Variants in NTF3 observed in about 807,000 individuals in gnomAD.
The protein encoded by NTF3 is neurotrophin 3.
NTF3 carries 8 observed loss-of-function variants against 26.3 expected under a neutral mutation model. That is an observed-to-expected ratio of 0.30 (90% CI 0.18 to 0.55). The LOEUF (loss-of-function observed/expected upper bound fraction) is 0.55, where lower values mean the gene tolerates loss of function less well. Ranked by LOEUF, NTF3 falls within the 20% of genes least tolerant of loss-of-function variation. The pLI is 0.93. For missense variants in NTF3, 276 were observed against 352.9 expected, an observed-to-expected ratio of 0.78 and a Z score of 1.75; for synonymous variants, 154 against 145.5, an observed-to-expected ratio of 1.06 and a Z score of -0.42.
chr12:5,452,456 A>G (rs1341993775), intron 1 of NTF3, among the ~76,000 whole-genome samples: 4 of 152,214 alleles, frequency 2.6e-5, no homozygotes, highest in Non-Finnish European at 5.9e-5. Flanking sequence ...ATTCCATCAC[A>G]TACCACTCTT....
chr12:5,484,647 G>T (rs1940845968), intron 1 of NTF3, among the ~76,000 whole-genome samples: 1 of 152,184 alleles, frequency 6.6e-6, no homozygotes, highest in East Asian at 1.9e-4. Flanking sequence ...ATTCATAACT[G>T]AGGGGTCTCC....
intron 1 of NTF3, among the ~76,000 whole-genome samples, chr12:5,486,494 AT>A (rs1940866854): frequency 6.6e-6 from 1 of 152,226 alleles, no homozygotes; most frequent in South Asian, 2.1e-4. Flanking sequence ...TTGAAAATCA[AT>A]TACTCAGCAG....
chr12:5,432,608 G>C (rs3138560), intron 1 of NTF3, among the ~76,000 whole-genome samples: 54 of 104,418 alleles, frequency 5.2e-4, no homozygotes, highest in African/African-American at 1.7e-3. Context: ...CACACACACA[G>C]ACACGGACAC....
At chr12:5,472,268 C>T (rs941062302) in intron 1 of NTF3, among the ~76,000 whole-genome samples, 2 of 152,118 alleles carry the variant, frequency 1.3e-5, no homozygotes, top group Non-Finnish European at 2.9e-5. Flanking sequence ...AAGCAGGCAG[C>T]TCGTGCGCAT....
chr12:5,479,203 CG>C (rs1555072594), intron 1 of NTF3, among the ~76,000 whole-genome samples: 2 of 152,106 alleles, frequency 1.3e-5, no homozygotes, highest in Non-Finnish European at 2.9e-5. Flanking sequence ...GAGGAGATAG[CG>C]GTTGAGGCTG....
intron 1 of NTF3, among the ~76,000 whole-genome samples, chr12:5,481,562 C>T (rs982076373): frequency 4.3e-4 from 8 of 18,522 alleles, no homozygotes; most frequent in Non-Finnish European, 8.1e-4. Context: ...TGCACACACA[C>T]ACATACATAC....
intron 1 of NTF3, among the ~76,000 whole-genome samples, chr12:5,484,571 C>T (rs1358587228): frequency 6.6e-6 from 1 of 152,122 alleles, no homozygotes; most frequent in Non-Finnish European, 1.5e-5. Context: ...GATTCCTTAG[C>T]ATTGATTACA....
intron 1 of NTF3, among the ~76,000 whole-genome samples, chr12:5,481,860 AACAT>A (rs145116216): frequency 6.6e-6 from 1 of 150,916 alleles, no homozygotes; most frequent in Non-Finnish European, 1.5e-5. Context: ...CACACACAAA[AACAT>A]ACACAGACAT....
intron 1 of NTF3, among the ~76,000 whole-genome samples, chr12:5,462,608 A>G (rs1170386956): frequency 6.6e-6 from 1 of 152,208 alleles, no homozygotes; most frequent in African/African-American, 2.4e-5. Context: ...ATATGGAACA[A>G]TAGTTAGGAT....
chr12:5,478,699 A>G lies in NTF3; in HGVS notation c.19-15495A>G, dbSNP rs867436994. The stretch of plus-strand genomic sequence containing the variant: ...TAGACTGCATGTCTAGAAACACTAC[A>G]GCATTTTTAGTAGTAAACTGAAATA... On this transcript the variant is annotated intron_variant, in intron 1 of 1. Transcript: ENST00000423158. Among the ~76,000 whole-genome samples, 8 of 152,390 alleles carry G rather than the reference A, an allele frequency of 5.2e-5. No individual in the cohort carries two copies. In the South Asian group the frequency reaches 8.3e-4, roughly 16 times the overall value.
In NTF3 at chr12:5,457,675, G is replaced by C. The variant is rs1020593648; in HGVS notation, c.18+25333G>C. 3.3e-5 allele frequency among the ~76,000 whole-genome samples: 5 copies of C among 152,134 alleles called. No homozygotes were observed. In the South Asian group the frequency reaches 8.3e-4, roughly 25 times the overall value. On this transcript the variant is annotated intron_variant, in intron 1 of 1. Coordinates refer to ENST00000423158, the MANE Select transcript of NTF3 (RefSeq NM_001102654.2). ...GACCCATATATCCAGCTTCCCTATA[G>C]ATACCCCAAATGTCTTTGTAGGCTC...
intron 1 of NTF3, among the ~76,000 whole-genome samples, chr12:5,445,440 A>G (rs1940293659): frequency 6.6e-6 from 1 of 152,068 alleles, no homozygotes; most frequent in Non-Finnish European, 1.5e-5. Context: ...ATTGCTTAGC[A>G]TGTATAAGGA....
chr12:5,453,059 G>C (rs992860664), intron 1 of NTF3, among the ~76,000 whole-genome samples: 5 of 152,160 alleles, frequency 3.3e-5, no homozygotes, highest in African/African-American at 4.8e-5. Context: ...CTGTAAAATG[G>C]GGATAATAAT....
At chr12:5,490,900 G>A (rs1249920341) in intron 1 of NTF3, among the ~76,000 whole-genome samples, 3 of 152,188 alleles carry the variant, frequency 2.0e-5, no homozygotes, top group Non-Finnish European at 2.9e-5. Context: ...TGGGTCCCTC[G>A]CCCGTGTGCG....
At chr12:5,464,402 ATGGTGCAAAAGT>A (rs1940562455) in intron 1 of NTF3, among the ~76,000 whole-genome samples, 1 of 152,204 alleles carries the variant, frequency 6.6e-6, no homozygotes, top group Non-Finnish European at 1.5e-5. Flanking sequence ...TCACCTTATA[ATGGTGCAAAAGT>A]GATGGGCATT....
intron 1 of NTF3, among the ~76,000 whole-genome samples, chr12:5,444,958 T>C (rs1940285769): frequency 6.6e-6 from 1 of 152,194 alleles, no homozygotes; most frequent in African/African-American, 2.4e-5. Flanking sequence ...ATGCATTGAT[T>C]AGAATGTCTC....
chr12:5,467,454 G>T (rs899736997), intron 1 of NTF3, among the ~76,000 whole-genome samples: 1 of 152,202 alleles, frequency 6.6e-6, no homozygotes, highest in African/African-American at 2.4e-5. Context: ...GACGTCTTTA[G>T]AGTGCTTGGT....
chr12:5,445,993 G>A (rs1250967500), intron 1 of NTF3, among the ~76,000 whole-genome samples: 1 of 152,190 alleles, frequency 6.6e-6, no homozygotes, highest in East Asian at 1.9e-4. Context: ...GCTGAAGGGT[G>A]TATTGAGGAT....
At chr12:5,431,880 G>C (rs2121124493), upstream of NTF3, among the ~76,000 whole-genome samples, 1 of 151,680 alleles carries the variant, frequency 6.6e-6, no homozygotes, top group East Asian at 2.0e-4. Context: ...TTTTGTTGCT[G>C]TTGTTGTTTG....
Sources: gnomAD v4.1 joint callset for allele counts (sites outside exome capture counted in the v4.1 genomes callset) on GRCh38, gnomAD v4.1.1 for gene constraint, MANE v1.5 for transcripts, NCBI Gene and HGNC (gene_info 2026-07-23, HGNC 2026-07-21) for gene names.